The following ZNF704 variants were observed in gnomAD, a reference collection of about 807,000 sequenced individuals.
The protein encoded by ZNF704 is zinc finger protein 704.
ZNF704 carries 10 observed loss-of-function variants against 44.7 expected under a neutral mutation model. That is an observed-to-expected ratio of 0.22 (90% CI 0.14 to 0.38). The LOEUF (loss-of-function observed/expected upper bound fraction) is 0.38, where lower values mean the gene tolerates loss of function less well. ZNF704 is among the 10% of genes least tolerant of loss of function. ZNF704 has a pLI of 1.00. For missense variants in ZNF704, 390 were observed against 545.5 expected (o/e 0.71, Z 2.84); for synonymous variants, 211 against 207.6 (o/e 1.02, Z -0.14).
chr8:80,831,761 C>T (rs958382451), intron 1 of ZNF704, among the ~76,000 whole-genome samples: 2 of 152,170 alleles, frequency 1.3e-5, no homozygotes, highest in African/African-American at 4.8e-5. Flanking sequence ...TATAGGATTC[C>T]TTGTAAGGAC....
At chr8:80,841,602 A>G (rs534839290) in intron 1 of ZNF704, among the ~76,000 whole-genome samples, 5 of 152,350 alleles carry the variant, frequency 3.3e-5, no homozygotes, top group African/African-American at 1.2e-4. Context: ...AATATGTCAT[A>G]TAAAAATATC....
chr8:80,862,176 T>C (rs1809075224), intron 1 of ZNF704, among the ~76,000 whole-genome samples: 1 of 151,704 alleles, frequency 6.6e-6, no homozygotes, highest in Admixed American at 6.6e-5. Context: ...GCTACTTTTT[T>C]GTAGAAAAAA....
chr8:80,820,523 TTTTC>T (rs537383639), intron 2 of ZNF704, among the ~76,000 whole-genome samples: 56 of 152,282 alleles, frequency 3.7e-4, no homozygotes, highest in African/African-American at 1.3e-3. Flanking sequence ...TCACCAACTT[TTTTC>T]TTTTTTTTTC....
chr8:80,696,407 T>G (rs1818725366), intron 2 of ZNF704, among the ~76,000 whole-genome samples: 1 of 152,182 alleles, frequency 6.6e-6, no homozygotes, highest in Admixed American at 6.5e-5. Flanking sequence ...AGAAGTGTTT[T>G]GGATTTCAGA....
chr8:80,724,907 G>A (rs1479559715), intron 2 of ZNF704, among the ~76,000 whole-genome samples: 1 of 152,102 alleles, frequency 6.6e-6, no homozygotes, highest in Non-Finnish European at 1.5e-5. Flanking sequence ...ATAAAATCAT[G>A]CCATTCCAGG....
intron 2 of ZNF704, among the ~76,000 whole-genome samples, chr8:80,775,955 A>G (rs535390809): frequency 6.6e-6 from 1 of 152,330 alleles, no homozygotes; most frequent in East Asian, 1.9e-4. Flanking sequence ...AGTGGGCTTT[A>G]AAATTTATAC....
At chr8:80,726,829 A>G (rs534190572) in intron 2 of ZNF704, among the ~76,000 whole-genome samples, 1 of 141,798 alleles carries the variant, frequency 7.1e-6, no homozygotes, top group Non-Finnish European at 1.5e-5. Flanking sequence ...ATACACACAC[A>G]CATGCACACA....
intron 1 of ZNF704, among the ~76,000 whole-genome samples, chr8:80,845,842 A>AT (rs1311515930): frequency 1.3e-5 from 2 of 152,170 alleles, no homozygotes. Flanking sequence ...ACCACTGTTT[A>AT]TTATCATCAA....
chr8:80,838,015 C>T (rs1446438834), intron 1 of ZNF704, among the ~76,000 whole-genome samples: 1 of 152,152 alleles, frequency 6.6e-6, no homozygotes, highest in Non-Finnish European at 1.5e-5. Flanking sequence ...CTCTAAAGAT[C>T]ACCAACTTTT....
intron 1 of ZNF704, chr8:80,873,477 G>GGGGCCC (rs1249600797): frequency 4.6e-5 from 7 of 151,676 alleles, no homozygotes; most frequent in South Asian, 2.1e-4. Context: ...GCCTTGCCCC[G>GGGGCCC]GGGCCCGGGC....
chr8:80,761,826 G>A (rs2131720285), intron 2 of ZNF704, among the ~76,000 whole-genome samples: 1 of 152,336 alleles, frequency 6.6e-6, no homozygotes, highest in South Asian at 2.1e-4. Flanking sequence ...CAAAGTCACT[G>A]TGGTTGGTAA....
At chr8:80,753,927 A>G (rs942426765) in intron 2 of ZNF704, among the ~76,000 whole-genome samples, 3 of 152,154 alleles carry the variant, frequency 2.0e-5, no homozygotes, top group African/African-American at 4.8e-5. Flanking sequence ...CTACATGAAC[A>G]TCTAGCGTCT....
chr8:80,796,926 G>GA (rs1386759015), intron 2 of ZNF704, among the ~76,000 whole-genome samples: 2 of 120,526 alleles, frequency 1.7e-5, no homozygotes, highest in Admixed American at 8.3e-5. Context: ...AAGAGAAAGG[G>GA]AAGGGAAAAG....
At chr8:80,743,191 CAAA>C (rs59886049) in intron 2 of ZNF704, among the ~76,000 whole-genome samples, 55 of 35,824 alleles carry the variant, frequency 1.5e-3, no homozygotes, top group African/African-American at 5.5e-3. Flanking sequence ...CTTGCAACTG[CAAA>C]AAAAAAAAAA....
At chr8:80,859,398 A>G (rs1188583071) in intron 1 of ZNF704, among the ~76,000 whole-genome samples, 4 of 152,198 alleles carry the variant, frequency 2.6e-5, no homozygotes, top group Admixed American at 2.0e-4. Flanking sequence ...GGTGCTAGGA[A>G]CTATCCTAAG....
chr8:80,806,763 G>A (rs542782978), intron 2 of ZNF704, among the ~76,000 whole-genome samples: 2 of 152,302 alleles, frequency 1.3e-5, no homozygotes, highest in East Asian at 3.9e-4. Flanking sequence ...AGGGAATTCT[G>A]CCTGATTCTG....
At chr8:80,807,531 A>AC (rs150269718) in intron 2 of ZNF704, among the ~76,000 whole-genome samples, 6,934 of 150,810 alleles carry the variant, frequency 0.046, 543 homozygotes, top group African/African-American at 0.16. Context: ...TTTCTAATTG[A>AC]CCCCCCCCAA....
At position 80,687,282 on chromosome 8, in the gene ZNF704, C is replaced by T. The variant is rs1818554135; in HGVS notation, c.502G>A (p.Asp168Asn). 6.2e-7 allele frequency: 1 copy of T among 1,613,178 alleles called. No individual in the cohort carries two copies. Among genetic ancestry groups the T allele is most frequent in the Non-Finnish European group, 8.5e-7 (1 of 1,179,858 alleles). Residue 168 changes from aspartate to asparagine, a missense_variant, in exon 4 of 9, where the codon GAC becomes AAC. By Grantham distance (23) the Asp-to-Asn change is conservative (BLOSUM62 1). Coordinates refer to ENST00000327835, the MANE Select transcript of ZNF704 (RefSeq NM_001033723.3). ...RSPAQPDDGI[D>N]EAEASNLLFD... ...AGCAGGTTGCTGGCCTCCGCCTCGTCGATGCCGTCGTCTGGCTGCGCGGGG... is the reference window on the plus strand; with the variant it reads ...AGCAGGTTGCTGGCCTCCGCCTCGTTGATGCCGTCGTCTGGCTGCGCGGGG...
At chr8:80,727,866 T>C (rs1222613116) in intron 2 of ZNF704, among the ~76,000 whole-genome samples, 2 of 152,128 alleles carry the variant, frequency 1.3e-5, no homozygotes, top group Non-Finnish European at 2.9e-5. Flanking sequence ...GTGGGAAACA[T>C]AACACATTGC....
Sources: gnomAD v4.1 joint callset for allele counts (sites outside exome capture counted in the v4.1 genomes callset) on GRCh38, gnomAD v4.1.1 for gene constraint, MANE v1.5 for transcripts, NCBI Gene and HGNC (gene_info 2026-07-23, HGNC 2026-07-21) for gene names.